The following PCDH15 variants were observed in gnomAD, a reference collection of about 807,000 sequenced individuals.
The protein encoded by PCDH15 is protocadherin related 15.
A neutral mutation model predicts 178.5 loss-of-function variants in PCDH15; 129 were observed. The ratio of observed to expected loss-of-function variants is 0.72; its 90% confidence interval spans 0.63 to 0.84. PCDH15 has a LOEUF of 0.84. Among genes scored for constraint, PCDH15 ranks in the 40% least tolerant of loss-of-function variants. The pLI, the probability that PCDH15 is intolerant of heterozygous loss-of-function variation, is 0.00. For synonymous variants in PCDH15, 800 were observed against 732.0 expected (o/e 1.09, Z -1.50); for missense variants, 2,230 against 2,099.9 (o/e 1.06, Z -1.21).
At chr10:55,332,264 C>A (rs950360712) in intron 2 of PCDH15, among the ~76,000 whole-genome samples, 24 of 151,998 alleles carry the variant, frequency 1.6e-4, no homozygotes, top group African/African-American at 5.3e-4. Flanking sequence ...CATTAAATAA[C>A]GTTTTCTAGG....
At chr10:54,134,842 A>G (rs2042765016) in intron 14 of PCDH15, among the ~76,000 whole-genome samples, 1 of 151,978 alleles carries the variant, frequency 6.6e-6, no homozygotes, top group South Asian at 2.1e-4. Flanking sequence ...CCTAAATTCA[A>G]GTTGTTTCTG....
intron 6 of PCDH15, among the ~76,000 whole-genome samples, chr10:54,332,373 TATAA>T (rs1564990099): frequency 2.2e-4 from 13 of 59,732 alleles, no homozygotes; most frequent in South Asian, 8.5e-4. Flanking sequence ...ATATTATATA[TATAA>T]TATATATATA....
chr10:55,264,690 GA>G (rs1303275028), intron 1 of PCDH15, among the ~76,000 whole-genome samples: 1 of 152,100 alleles, frequency 6.6e-6, no homozygotes, highest in African/African-American at 2.4e-5. Context: ...AGTGTGTCCT[GA>G]ACCACTGGGA....
At chr10:55,143,640 T>TA (rs1838414311) in intron 2 of PCDH15, among the ~76,000 whole-genome samples, 1 of 152,064 alleles carries the variant, frequency 6.6e-6, no homozygotes. Context: ...AATTTTTTTT[T>TA]CTTAGGGAGG....
At chr10:55,176,807 G>A (rs992231076) in intron 1 of PCDH15, among the ~76,000 whole-genome samples, 1 of 151,998 alleles carries the variant, frequency 6.6e-6, no homozygotes, top group Non-Finnish European at 1.5e-5. Flanking sequence ...ACTACACCCT[G>A]ACTTCCAATA....
At chr10:54,876,680 A>G (rs1292208195) in intron 3 of PCDH15, among the ~76,000 whole-genome samples, 2 of 152,200 alleles carry the variant, frequency 1.3e-5, no homozygotes, top group Non-Finnish European at 2.9e-5. Flanking sequence ...AATTAGAAGC[A>G]GAGCTCGAAG....
At chr10:53,816,337 A>C (rs975089008) in intron 34 of PCDH15, 60 bp from the exon 35 acceptor site, 3 of 398,284 alleles carry the variant, frequency 7.5e-6, no homozygotes, top group Non-Finnish European at 1.3e-5. Context: ...GGAAAGGTAG[A>C]TCATGATTGA....
chr10:55,537,965 C>G (rs549863093), intron 2 of PCDH15, among the ~76,000 whole-genome samples: 1 of 152,232 alleles, frequency 6.6e-6, no homozygotes, highest in African/African-American at 2.4e-5. Flanking sequence ...AATCTGAGGC[C>G]TCAAGCCTTC....
At chr10:55,558,346 G>C (rs1842130038) in intron 2 of PCDH15, among the ~76,000 whole-genome samples, 1 of 152,114 alleles carries the variant, frequency 6.6e-6, no homozygotes, top group Non-Finnish European at 1.5e-5. Context: ...TGTCTGGATT[G>C]GAATTGACTC....
chr10:54,590,049 A>T (rs2091779548), intron 2 of PCDH15, among the ~76,000 whole-genome samples: 1 of 152,202 alleles, frequency 6.6e-6, no homozygotes, highest in African/African-American at 2.4e-5. Flanking sequence ...GGCCTTTTGT[A>T]TGACAAAAAG....
chr10:53,890,197 G>A (rs1425197867), intron 26 of PCDH15, among the ~76,000 whole-genome samples: 1 of 152,234 alleles, frequency 6.6e-6, no homozygotes, highest in African/African-American at 2.4e-5. Flanking sequence ...GAAGGCCGAT[G>A]CAGGCGGATC....
intron 2 of PCDH15, among the ~76,000 whole-genome samples, chr10:55,475,908 C>A (rs917555770): frequency 6.6e-6 from 1 of 151,998 alleles, no homozygotes; most frequent in Non-Finnish European, 1.5e-5. Context: ...TTAGCCAGCC[C>A]TTATTGGAGA....
At chr10:54,826,967 C>CT (rs1360235603) in intron 3 of PCDH15, among the ~76,000 whole-genome samples, 2 of 152,082 alleles carry the variant, frequency 1.3e-5, no homozygotes, top group South Asian at 4.1e-4. Context: ...TAGGAGTTGT[C>CT]TATTGAGATG....
chr10:54,191,993 A>G (rs1260798775), intron 11 of PCDH15, among the ~76,000 whole-genome samples: 2 of 139,906 alleles, frequency 1.4e-5, no homozygotes, highest in African/African-American at 2.6e-5. Context: ...GGACGGGGGG[A>G]AGGAAAGGAA....
Position 54,251,211 on chromosome 10 carries a change from A to G in PCDH15, c.877-14280T>C, listed in dbSNP as rs182891830. On this transcript the variant is annotated intron_variant, in intron 8 of 37. Transcript: ENST00000644397. ...TTTCTTTATGCTTTCTTCTTTAACC[A>G]TCTGGTAGAAATTTGCTTTTATCCT... Among the ~76,000 whole-genome samples the G allele has an allele frequency of 4.4e-3, 674 of 152,236 alleles. 4 individuals are homozygous for G. Among genetic ancestry groups the G allele is most frequent in the African/African-American group, 0.013 (540 of 41,550 alleles).
chr10:55,150,255 A>C (rs922185305), intron 2 of PCDH15, among the ~76,000 whole-genome samples: 2 of 152,106 alleles, frequency 1.3e-5, no homozygotes, highest in Non-Finnish European at 2.9e-5. Context: ...CAGGAAAAAC[A>C]AAACATGTTT....
chr10:53,865,753 C>T (rs199699306), intron 27 of PCDH15, among the ~76,000 whole-genome samples: 1 of 71,470 alleles, frequency 1.4e-5, no homozygotes, highest in African/African-American at 6.9e-5. Flanking sequence ...AAAAATAAAG[C>T]ATTGATGTCT....
At chr10:53,975,282 T>C (rs1432764029) in intron 21 of PCDH15, among the ~76,000 whole-genome samples, 1 of 152,150 alleles carries the variant, frequency 6.6e-6, no homozygotes, top group African/African-American at 2.4e-5. Context: ...AATTTATTTT[T>C]CTTTGGTTAT....
chr10:54,888,502 A>G (rs66487227), intron 3 of PCDH15, among the ~76,000 whole-genome samples: 23,333 of 151,890 alleles, frequency 0.15, 2,173 homozygotes, highest in Non-Finnish European at 0.21. Context: ...ACTAGTGTGA[A>G]CATTCATGTG....
Sources: gnomAD v4.1 joint callset for allele counts (sites outside exome capture counted in the v4.1 genomes callset) on GRCh38, gnomAD v4.1.1 for gene constraint, MANE v1.5 for transcripts, NCBI Gene and HGNC (gene_info 2026-07-23, HGNC 2026-07-21) for gene names.